Variants in RAB3B observed in about 807,000 individuals in gnomAD.
The protein encoded by RAB3B is RAB3B, member RAS oncogene family, also known as ras-related protein Rab-3B.
In RAB3B, 11 loss-of-function variants were observed where a neutral mutation model predicts 20.5. The observed-to-expected ratio is 0.54, with a 90% CI of 0.34 to 0.89. The LOEUF (loss-of-function observed/expected upper bound fraction) is 0.89, where lower values mean the gene tolerates loss of function less well. Among genes scored for constraint, RAB3B ranks in the 40% least tolerant of loss-of-function variants. The pLI is 0.02. For synonymous variants in RAB3B, 99 were observed against 106.3 expected (o/e 0.93, Z 0.42); for missense variants, 225 against 280.9 (o/e 0.80, Z 1.42).
chr1:51,922,119 G>A (rs1399684458), intron 4 of RAB3B, among the ~76,000 whole-genome samples: 3 of 152,222 alleles, frequency 2.0e-5, no homozygotes. Context: ...TCAGGCCATA[G>A]AAACCCAGTC....
chr1:51,924,789 GA>G, intron 4 of RAB3B, among the ~76,000 whole-genome samples: 1 of 152,234 alleles, frequency 6.6e-6, no homozygotes, highest in Non-Finnish European at 1.5e-5. Flanking sequence ...TCAGATTCCT[GA>G]AATATTCTTC....
In RAB3B at chr1:51,918,857, T is replaced by C. The variant is rs1178056005; in HGVS notation, c.*1070A>G. ...GCAGCAAAATCAGAAACTCATGATCTGTTTCTTGATCTTGCCTGTTTCTCT... is the reference window on the plus strand; with the variant it reads ...GCAGCAAAATCAGAAACTCATGATCCGTTTCTTGATCTTGCCTGTTTCTCT... On this transcript the variant is annotated 3_prime_UTR_variant, in exon 5 of 5. Transcript: ENST00000371655. The C allele has an allele frequency of 1.3e-5, 2 of 152,238 alleles. No homozygotes were observed. The highest frequency in any genetic ancestry group is 1.3e-4 in the Admixed American group (2 of 15,286). The allele number at this position is 152,238 out of a possible 1,614,324, so 9.4% of individuals were successfully genotyped here.
Position 51,931,047 on chromosome 1 carries a change from G to T in RAB3B, c.472+2271C>A, listed in dbSNP as rs139015516. On this transcript the variant is annotated intron_variant, in intron 4 of 4. Coordinates refer to ENST00000371655, the MANE Select transcript of RAB3B (RefSeq NM_002867.4). ...AAAAAAATCTTAGTGAGAAGGGCTT[G>T]GCATGCTGGTATATTTTTTTCTAAT... Among the ~76,000 whole-genome samples the T allele has an allele frequency of 6.2e-3, 942 of 151,880 alleles. 27 individuals carry two copies. In the South Asian group the frequency reaches 0.094, roughly 15 times the overall value.
rs1684015026 is a variant in RAB3B, at chr1:51,912,542, T to TTAAAAAAAAA, written c.*7384_*7385insTTTTTTTTTA. 1.6e-4 allele frequency: 1 copy of TTAAAAAAAAA among 6,390 alleles called. No individual in the cohort carries two copies. The highest frequency in any genetic ancestry group is 2.3e-4 in the Non-Finnish European group (1 of 4,312). The allele number at this position is 6,390 out of a possible 1,614,324, so 0.4% of individuals were successfully genotyped here. ...GGCAACATAGCAAGACCGTCTCTAT[T>TTAAAAAAAAA]AAAAAAAAAAAAATATATATATATA... On this transcript the variant is annotated 3_prime_UTR_variant, in exon 5 of 5. Transcript: ENST00000371655.
chr1:51,929,293 T>C (rs1231034695), intron 4 of RAB3B, among the ~76,000 whole-genome samples: 1 of 152,178 alleles, frequency 6.6e-6, no homozygotes, highest in Non-Finnish European at 1.5e-5. Flanking sequence ...CTGGGTCTTG[T>C]GGACTTCCCA....
chr1:51,958,490 G>A (rs564608181), intron 2 of RAB3B, among the ~76,000 whole-genome samples: 4 of 151,612 alleles, frequency 2.6e-5, no homozygotes, highest in South Asian at 4.1e-4. Flanking sequence ...TTGGGAGGCC[G>A]AGGTGGGCAG....
chr1:51,946,947 G>C lies in RAB3B; in HGVS notation c.229-9535C>G, dbSNP rs181535712. Among the ~76,000 whole-genome samples, 16 of 152,284 alleles carry C rather than the reference G, an allele frequency of 1.1e-4. No individual in the cohort carries two copies. In the East Asian group the frequency reaches 2.9e-3, roughly 28 times the overall value. ...CCTGGTCTGTCTGATTCCAAAGCTTGTGCTGTTTCCAGGATGCCGTTTACG... is the reference window on the plus strand; with the variant it reads ...CCTGGTCTGTCTGATTCCAAAGCTTCTGCTGTTTCCAGGATGCCGTTTACG... On this transcript the variant is annotated intron_variant, in intron 2 of 4. Transcript: ENST00000371655.
intron 2 of RAB3B, among the ~76,000 whole-genome samples, chr1:51,942,838 T>A (rs1684512546): frequency 6.6e-6 from 1 of 152,188 alleles, no homozygotes; most frequent in Non-Finnish European, 1.5e-5. Context: ...TGTGTCACAT[T>A]TTGGTATTTC....
At chr1:51,947,680 A>T (rs1209846273) in intron 2 of RAB3B, among the ~76,000 whole-genome samples, 1 of 152,162 alleles carries the variant, frequency 6.6e-6, no homozygotes, top group Non-Finnish European at 1.5e-5. Context: ...CGGTCGTCAC[A>T]CATGCCACAT....
rs1684020668 is a variant in RAB3B, at chr1:51,912,592, TATATATATAAA to T, written c.*7324_*7334del. On this transcript the variant is annotated 3_prime_UTR_variant, in exon 5 of 5. Coordinates refer to ENST00000371655, the MANE Select transcript of RAB3B (RefSeq NM_002867.4). Reference sequence around the variant, plus strand: ...ATATATATATATATATATATATATATATATATATAAAAAATGTTACTCCTGTGAGACAGAAT... The same window carrying T: ...ATATATATATATATATATATATATATAAATGTTACTCCTGTGAGACAGAAT... 5 of 41,752 alleles carry T rather than the reference TATATATATAAA, an allele frequency of 1.2e-4. No individual in the cohort carries two copies. The highest frequency in any genetic ancestry group is 1.7e-4 in the African/African-American group (2 of 12,108). 2.6% of individuals were successfully genotyped at this position (41,752 alleles called of 1,614,324 possible).
At position 51,986,144 on chromosome 1, in the gene RAB3B, G is replaced by T. The variant is rs535861956; in HGVS notation, c.-1+4408C>A. Among the ~76,000 whole-genome samples the T allele has an allele frequency of 8.7e-3, 1,041 of 120,204 alleles. 18 individuals are homozygous for T. Among genetic ancestry groups the T allele is most frequent in the African/African-American group, 0.031 (995 of 32,550 alleles). 78.9% of individuals were successfully genotyped at this position (120,204 alleles called of 152,430 possible). On this transcript the variant is annotated intron_variant, in intron 1 of 4. Coordinates refer to ENST00000371655, the MANE Select transcript of RAB3B (RefSeq NM_002867.4). Reference sequence around the variant, plus strand: ...AAACATAGTGAGATTCCATTTCTACGAATTTTTTTTTTTTTTTTTTTTTTG... The same window carrying T: ...AAACATAGTGAGATTCCATTTCTACTAATTTTTTTTTTTTTTTTTTTTTTG...
Position 51,911,427 on chromosome 1 carries a change from C to T in RAB3B, c.*8500G>A, listed in dbSNP as rs150038039. 82 of 152,108 alleles carry T rather than the reference C, an allele frequency of 5.4e-4. No homozygotes were observed. The highest frequency in any genetic ancestry group is 1.9e-3 in the African/African-American group (77 of 41,504). 9.4% of individuals were successfully genotyped at this position (152,108 alleles called of 1,614,324 possible). Reference sequence around the variant, plus strand: ...GTTTGTTTGTTTTAGAATTTCTGTGCTTTGGAGCTAGAAGGATATATAAAT... The same window carrying T: ...GTTTGTTTGTTTTAGAATTTCTGTGTTTTGGAGCTAGAAGGATATATAAAT... On this transcript the variant is annotated 3_prime_UTR_variant, in exon 5 of 5. Coordinates refer to ENST00000371655, the MANE Select transcript of RAB3B (RefSeq NM_002867.4).
chr1:51,933,348 C>T lies in RAB3B; in HGVS notation c.442G>A (p.Glu148Lys), dbSNP rs751612836. The T allele has an allele frequency of 3.7e-6, 6 of 1,614,150 alleles. No individual in the cohort carries two copies. Among genetic ancestry groups the T allele is most frequent in the Non-Finnish European group, 4.2e-6 (5 of 1,180,012 alleles). ...TGCTCTGCAAGGAGCTGGCCCTTCT[C>T]AGTGGGAACAACCCTCTCTTCCTCC... ...DMEEERVVPT[E>K]KGQLLAEQLG... The change falls in exon 4 of 5, where the codon GAG becomes AAG. Residue 148 changes from glutamate to lysine, a missense_variant. Physicochemically the swap from Glu to Lys is moderately conservative, Grantham distance 56. Coordinates refer to ENST00000371655, the MANE Select transcript of RAB3B (RefSeq NM_002867.4).
intron 2 of RAB3B, among the ~76,000 whole-genome samples, chr1:51,973,856 A>AT (rs1684969994): frequency 6.6e-6 from 1 of 152,170 alleles, no homozygotes; most frequent in African/African-American, 2.4e-5. Flanking sequence ...CTATCTCAAG[A>AT]TTTTTTGAGT....
At chr1:51,933,587 G>C (rs1684357157) in intron 3 of RAB3B, 145 bp from the exon 4 acceptor site, 5 of 707,328 alleles carry the variant, frequency 7.1e-6, no homozygotes, top group Non-Finnish European at 1.2e-5. Flanking sequence ...TTATGTCAAT[G>C]AGGCTAGAGT....
intron 1 of RAB3B, among the ~76,000 whole-genome samples, chr1:51,989,257 T>TGTGTGTGTGTGTG (rs1557980860): frequency 9.8e-5 from 14 of 143,496 alleles, no homozygotes; most frequent in African/African-American, 3.6e-4. Flanking sequence ...TGTGTGTGTG[T>TGTGTGTGTGTGTG]TTTGAGGGCC....
chr1:51,910,216 G>T lies in RAB3B; in HGVS notation c.*9711C>A, dbSNP rs1348909245. ...GGTCTGATGTCTACAGGGGTTGGAAGATAGTTTACTACATGAAATCCTTTA... is the reference window on the plus strand; with the variant it reads ...GGTCTGATGTCTACAGGGGTTGGAATATAGTTTACTACATGAAATCCTTTA... On this transcript the variant is annotated 3_prime_UTR_variant, in exon 5 of 5. Transcript: ENST00000371655. 6.6e-6 allele frequency: 1 copy of T among 152,176 alleles called. No individual in the cohort carries two copies. Among genetic ancestry groups the T allele is most frequent in the Non-Finnish European group, 1.5e-5 (1 of 68,050 alleles). The allele number at this position is 152,176 out of a possible 1,614,324, so 9.4% of individuals were successfully genotyped here.
At chr1:51,974,467 G>A (rs1171449496) in intron 2 of RAB3B, among the ~76,000 whole-genome samples, 1 of 152,180 alleles carries the variant, frequency 6.6e-6, no homozygotes, top group Non-Finnish European at 1.5e-5. Context: ...CTGATGCCAT[G>A]GGTCTGGGAA....
intron 2 of RAB3B, among the ~76,000 whole-genome samples, chr1:51,952,303 T>C (rs1345501938): frequency 1.3e-5 from 2 of 152,172 alleles, no homozygotes; most frequent in East Asian, 1.9e-4. Flanking sequence ...ATTTTTGGCA[T>C]TGGTCTCTCA....
Sources: gnomAD v4.1 joint callset for allele counts (sites outside exome capture counted in the v4.1 genomes callset) on GRCh38, gnomAD v4.1.1 for gene constraint, MANE v1.5 for transcripts, NCBI Gene and HGNC (gene_info 2026-07-23, HGNC 2026-07-21) for gene names.